PTPRM: variants seen among roughly 807,000 people sequenced by gnomAD.
PTPRM encodes the protein protein tyrosine phosphatase receptor type M.
A neutral mutation model predicts 186.7 loss-of-function variants in PTPRM; 47 were observed. The observed-to-expected ratio is 0.25, with a 90% CI of 0.20 to 0.32. PTPRM has a LOEUF of 0.32. Among genes scored for constraint, PTPRM ranks in the 10% least tolerant of loss-of-function variants. PTPRM has a pLI of 1.00. For synonymous variants in PTPRM, 668 were observed against 674.9 expected (o/e 0.99, Z 0.16); for missense variants, 1,494 against 1,865.0 (o/e 0.80, Z 3.66).
chr18:7,878,466 G>A (rs2048347347), intron 2 of PTPRM, among the ~76,000 whole-genome samples: 1 of 152,170 alleles, frequency 6.6e-6, no homozygotes, highest in African/African-American at 2.4e-5. Context: ...TCTTCTTCAG[G>A]AATGTGGGGA....
intron 20 of PTPRM, among the ~76,000 whole-genome samples, chr18:8,301,375 C>T (rs1256042749): frequency 1.3e-5 from 2 of 152,132 alleles, no homozygotes; most frequent in Non-Finnish European, 2.9e-5. Flanking sequence ...CAAGCATAGC[C>T]CTCCTAATAC....
At chr18:8,242,315 G>T (rs1313429642) in intron 14 of PTPRM, among the ~76,000 whole-genome samples, 2 of 152,214 alleles carry the variant, frequency 1.3e-5, no homozygotes, top group East Asian at 1.9e-4. Flanking sequence ...TGTTCCTGAG[G>T]AGACCTGGCC....
chr18:7,580,809 G>A (rs1360119249), intron 1 of PTPRM, among the ~76,000 whole-genome samples: 1 of 152,156 alleles, frequency 6.6e-6, no homozygotes, highest in Non-Finnish European at 1.5e-5. Flanking sequence ...ACAGAGTAGT[G>A]TTTTCCTGAT....
intron 19 of PTPRM, among the ~76,000 whole-genome samples, chr18:8,262,316 A>G (rs1261871730): frequency 6.6e-6 from 1 of 152,146 alleles, no homozygotes; most frequent in Non-Finnish European, 1.5e-5. Context: ...TAAGACATGG[A>G]TGTTATCATG....
At chr18:7,882,630 C>A (rs970427521) in intron 2 of PTPRM, among the ~76,000 whole-genome samples, 2 of 152,170 alleles carry the variant, frequency 1.3e-5, no homozygotes, top group East Asian at 3.8e-4. Context: ...TTTATAATAG[C>A]TTTAAAGTTC....
intron 23 of PTPRM, among the ~76,000 whole-genome samples, chr18:8,368,000 G>T (rs1285845932): frequency 6.6e-6 from 1 of 152,010 alleles, no homozygotes; most frequent in Non-Finnish European, 1.5e-5. Flanking sequence ...TTGCGGGTGT[G>T]TGTGTTTTGT....
chr18:7,889,514 T>C (rs1284775640), intron 3 of PTPRM, among the ~76,000 whole-genome samples: 1 of 152,110 alleles, frequency 6.6e-6, no homozygotes, highest in Non-Finnish European at 1.5e-5. Context: ...TTTTTATATT[T>C]TTTTTGTAGA....
At chr18:8,346,058 A>G (rs589572) in intron 23 of PTPRM, among the ~76,000 whole-genome samples, 29,821 of 152,204 alleles carry the variant, frequency 0.2, 3,530 homozygotes, top group Non-Finnish European at 0.27. Context: ...TATAGAAACC[A>G]TTTCTTTCTT....
intron 7 of PTPRM, among the ~76,000 whole-genome samples, chr18:8,049,002 C>T (rs2087272542): frequency 6.6e-6 from 1 of 152,076 alleles, no homozygotes; most frequent in African/African-American, 2.4e-5. Context: ...ATGAGGGTTA[C>T]AAAAGGTCAA....
chr18:8,391,646 A>G (rs1294223832), intron 31 of PTPRM, among the ~76,000 whole-genome samples: 3 of 152,244 alleles, frequency 2.0e-5, no homozygotes, highest in Non-Finnish European at 2.9e-5. Context: ...CGTGGTTTGT[A>G]TCTTGATCTG....
chr18:8,327,150 G>A (rs1251973106), intron 22 of PTPRM, among the ~76,000 whole-genome samples: 1 of 152,194 alleles, frequency 6.6e-6, no homozygotes, highest in Non-Finnish European at 1.5e-5. Flanking sequence ...GTGATCTGTG[G>A]AGAACTGGCT....
intron 13 of PTPRM, among the ~76,000 whole-genome samples, 185 bp from the exon 14 acceptor site, chr18:8,143,462 G>A (rs2092810143): frequency 6.6e-6 from 1 of 152,174 alleles, no homozygotes; most frequent in South Asian, 2.1e-4. Flanking sequence ...AAATATTGAA[G>A]AACAATGTGA....
At chr18:8,154,512 T>G (rs2093079049) in intron 14 of PTPRM, 2 of 152,330 alleles carry the variant, frequency 1.3e-5, no homozygotes, top group South Asian at 4.1e-4. Flanking sequence ...ACTTGTCACA[T>G]GCCAGGCCAG....
At chr18:7,880,343 T>C (rs922436976) in intron 2 of PTPRM, among the ~76,000 whole-genome samples, 2 of 152,182 alleles carry the variant, frequency 1.3e-5, no homozygotes, top group South Asian at 4.1e-4. Context: ...CAAAAATTAA[T>C]ACAACTAACA....
chr18:8,113,911 T>TA (rs1297879674), intron 12 of PTPRM, 152 bp downstream of exon 12: 1 of 894,480 alleles, frequency 1.1e-6, no homozygotes, highest in Non-Finnish European at 1.6e-6. Flanking sequence ...TATTTTTGTC[T>TA]AGAGAAATTT....
chr18:7,721,088 A>G (rs1166042660), intron 1 of PTPRM, among the ~76,000 whole-genome samples: 2 of 151,702 alleles, frequency 1.3e-5, no homozygotes, highest in African/African-American at 2.4e-5. Flanking sequence ...ATTCTCACCA[A>G]TAGTGTGAAA....
At chr18:7,664,144 C>T (rs1457464406) in intron 1 of PTPRM, among the ~76,000 whole-genome samples, 1 of 152,242 alleles carries the variant, frequency 6.6e-6, no homozygotes, top group Admixed American at 6.5e-5. Context: ...ACATCCCACA[C>T]TCTGAAACAT....
At chr18:7,958,142 G>C (rs1000968155) in intron 7 of PTPRM, among the ~76,000 whole-genome samples, 5 of 143,108 alleles carry the variant, frequency 3.5e-5, no homozygotes, top group African/African-American at 1.3e-4. Flanking sequence ...CAATGCAAAT[G>C]AATCTACAAT....
chr18:8,051,915 C>A (rs2087529474), intron 7 of PTPRM, among the ~76,000 whole-genome samples: 1 of 152,154 alleles, frequency 6.6e-6, no homozygotes, highest in African/African-American at 2.4e-5. Context: ...ATGATACAAT[C>A]CATATCTTTT....
Sources: gnomAD v4.1 joint callset for allele counts (sites outside exome capture counted in the v4.1 genomes callset) on GRCh38, gnomAD v4.1.1 for gene constraint, MANE v1.5 for transcripts, NCBI Gene and HGNC (gene_info 2026-07-23, HGNC 2026-07-21) for gene names.